The following ZNF423 variants were observed in gnomAD, a reference collection of about 807,000 sequenced individuals.
ZNF423 encodes the protein zinc finger protein 423.
A neutral mutation model predicts 95.8 loss-of-function variants in ZNF423; 12 were observed. That is an observed-to-expected ratio of 0.13 (90% CI 0.08 to 0.20). ZNF423 has a LOEUF of 0.20. ZNF423 is among the 10% of genes least tolerant of loss of function. The probability of loss-of-function intolerance (pLI) is 1.00; values close to 1 mark genes in which losing one functional copy is unlikely to be tolerated. For missense variants in ZNF423, 1,316 were observed against 1,737.1 expected, an observed-to-expected ratio of 0.76 and a Z score of 4.31; for synonymous variants, 749 against 711.9, an observed-to-expected ratio of 1.05 and a Z score of -0.83.
intron 7 of ZNF423, chr16:49,518,195 A>G: frequency 5.2e-6 from 2 of 381,192 alleles, no homozygotes; most frequent in South Asian, 2.0e-5. Context: ...ACCTGTGTTG[A>G]CCACATGCAC....
chr16:49,730,732 G>C, intron 3 of ZNF423, 39 bp downstream of exon 3: 7 of 1,609,742 alleles, frequency 4.3e-6, no homozygotes, highest in African/African-American at 1.3e-5. Flanking sequence ...AATTACCCGT[G>C]TAACCACCTG....
chr16:49,638,757 C>A lies in ZNF423; in HGVS notation c.419G>T (p.Gly140Val), dbSNP rs2151887973. Reference protein sequence around the residue: ...GCDLGLGEEEGGTGLPYPCQF... With the variant: ...GCDLGLGEEEVGTGLPYPCQF... Reference sequence around the variant, plus strand: ...GCAAGGGTATGGCAGGCCCGTGCCCCCTTCCTCCTCGCCGAGGCCGAGGTC... The same window carrying A: ...GCAAGGGTATGGCAGGCCCGTGCCCACTTCCTCCTCGCCGAGGCCGAGGTC... Residue 140 changes from glycine to valine, a missense_variant, in exon 4 of 8, where the codon GGG becomes GTG. Gly to Val is a moderately radical substitution (Grantham distance 109). Coordinates refer to ENST00000563137, the MANE Select transcript of ZNF423 (RefSeq NM_001379286.1). This position sits in a 1 kb window ranked among gnomAD's most constrained non-coding sequence, Gnocchi z 5.6. 6 of 1,614,130 alleles carry A rather than the reference C, an allele frequency of 3.7e-6. No individual in the cohort carries two copies. Among genetic ancestry groups the A allele is most frequent in the East Asian group, 2.2e-5 (1 of 44,872 alleles).
intron 5 of ZNF423, among the ~76,000 whole-genome samples, chr16:49,615,151 C>CAT (rs1971835243): frequency 2.0e-5 from 3 of 151,662 alleles, no homozygotes; most frequent in Non-Finnish European, 4.4e-5. Flanking sequence ...CACACACACA[C>CAT]ACACACACAC....
intron 3 of ZNF423, among the ~76,000 whole-genome samples, chr16:49,716,096 G>A (rs1042218235): frequency 1.3e-5 from 2 of 152,038 alleles, no homozygotes; most frequent in Non-Finnish European, 2.9e-5. Flanking sequence ...AGAGTCAGAT[G>A]CAAGCTGTCC....
At chr16:49,641,619 G>A (rs1972979036) in intron 3 of ZNF423, among the ~76,000 whole-genome samples, 1 of 152,202 alleles carries the variant, frequency 6.6e-6, no homozygotes, top group Non-Finnish European at 1.5e-5. Flanking sequence ...CTGAAGACCA[G>A]AAGACACTCA....
intron 2 of ZNF423, among the ~76,000 whole-genome samples, chr16:49,750,910 G>A (rs553971708): frequency 1.6e-4 from 25 of 152,276 alleles, no homozygotes; most frequent in African/African-American, 5.8e-4. Flanking sequence ...CAAGCACAAA[G>A]GAACCTGAGG....
chr16:49,802,154 A>G (rs1425401627), intron 1 of ZNF423, among the ~76,000 whole-genome samples: 1 of 152,142 alleles, frequency 6.6e-6, no homozygotes, highest in Non-Finnish European at 1.5e-5. Context: ...AGCTGGGAGT[A>G]GAATTCTTAA....
chr16:49,828,755 G>T (rs764184899), intron 1 of ZNF423, among the ~76,000 whole-genome samples: 2 of 152,096 alleles, frequency 1.3e-5, no homozygotes, highest in Admixed American at 6.5e-5. Context: ...CTACAGTCCC[G>T]CCCACGCACA....
intron 2 of ZNF423, among the ~76,000 whole-genome samples, chr16:49,786,501 C>G (rs1337474453): frequency 6.6e-6 from 1 of 152,250 alleles, no homozygotes; most frequent in Non-Finnish European, 1.5e-5. Context: ...CTCCCTTCCT[C>G]CTGGTAAACT....
intron 3 of ZNF423, among the ~76,000 whole-genome samples, chr16:49,647,015 G>T (rs1055469306): frequency 6.6e-6 from 1 of 152,210 alleles, no homozygotes; most frequent in African/African-American, 2.4e-5. Context: ...TAACTTCTGA[G>T]CGCACAGACA....
chr16:49,624,560 A>C (rs1174311059), intron 5 of ZNF423, among the ~76,000 whole-genome samples: 1 of 152,162 alleles, frequency 6.6e-6, no homozygotes, highest in Non-Finnish European at 1.5e-5. Flanking sequence ...CTCAAAAAAA[A>C]CCAAACCAAA....
At chr16:49,628,640 G>A (rs993108361) in intron 4 of ZNF423, among the ~76,000 whole-genome samples, 1 of 152,266 alleles carries the variant, frequency 6.6e-6, no homozygotes, top group African/African-American at 2.4e-5. Context: ...TGGCTGAGCA[G>A]GGGACACTGT....
chr16:49,738,348 G>C (rs748383331), intron 2 of ZNF423, among the ~76,000 whole-genome samples: 1 of 152,132 alleles, frequency 6.6e-6, no homozygotes, highest in Non-Finnish European at 1.5e-5. Flanking sequence ...TCCAGGGCTG[G>C]GGCTGGTCGG....
At chr16:49,654,360 T>C (rs1973527689) in intron 3 of ZNF423, among the ~76,000 whole-genome samples, 1 of 152,188 alleles carries the variant, frequency 6.6e-6, no homozygotes, top group Non-Finnish European at 1.5e-5. Context: ...TAGGTCCTCA[T>C]TTCCTCCTTT....
chr16:49,624,088 G>T (rs946256549), intron 5 of ZNF423, among the ~76,000 whole-genome samples: 3 of 152,114 alleles, frequency 2.0e-5, no homozygotes, highest in Admixed American at 1.3e-4. Flanking sequence ...CATTTAACCT[G>T]TGACTCAGCA....
intron 2 of ZNF423, among the ~76,000 whole-genome samples, chr16:49,772,908 G>A (rs1008281365): frequency 6.6e-6 from 1 of 152,328 alleles, no homozygotes; most frequent in East Asian, 1.9e-4. Flanking sequence ...GTTCCACATG[G>A]CTGGGGAGGC....
chr16:49,712,808 A>G (rs754065609), intron 3 of ZNF423, among the ~76,000 whole-genome samples: 1 of 152,242 alleles, frequency 6.6e-6, no homozygotes, highest in African/African-American at 2.4e-5. Flanking sequence ...TAATGAACAA[A>G]GAGGCTCCGC....
At chr16:49,530,114 G>A (rs978589302) in intron 5 of ZNF423, among the ~76,000 whole-genome samples, 5 of 152,180 alleles carry the variant, frequency 3.3e-5, no homozygotes, top group Non-Finnish European at 7.3e-5. Flanking sequence ...ACTGGAGTAA[G>A]TTACTTTGCC....
intron 5 of ZNF423, among the ~76,000 whole-genome samples, chr16:49,576,552 C>T (rs1260119852): frequency 6.6e-6 from 1 of 152,244 alleles, no homozygotes; most frequent in South Asian, 2.1e-4. Context: ...ACTCAGGCCA[C>T]TGCAGTCCGT....
Sources: allele counts gnomAD v4.1 joint callset (sites outside exome capture counted in the v4.1 genomes callset), GRCh38; gene constraint gnomAD v4.1.1; non-coding constraint Gnocchi (gnomAD v3.1); transcripts MANE v1.5; gene names NCBI Gene and HGNC (gene_info 2026-07-23, HGNC 2026-07-21).